Variants in EYS observed in about 807,000 individuals in gnomAD.
EYS encodes EGF-like photoreceptor maintenance factor, also known as protein eyes shut homolog.
Under a neutral mutation model 282.1 loss-of-function variants are expected in EYS, and 250 were observed. The ratio of observed to expected loss-of-function variants is 0.89; its 90% CI spans 0.80 to 0.98. The LOEUF is 0.98. Ranked by LOEUF, EYS falls within the 50% of genes least tolerant of loss-of-function variation. The pLI, the probability that EYS is intolerant of heterozygous loss-of-function variation, is 0.00. For missense variants in EYS, 4,016 were observed against 3,709.0 expected (o/e 1.08, Z -2.15); for synonymous variants, 1,355 against 1,282.9 (o/e 1.06, Z -1.20).
chr6:65,357,326 G>C (rs1256940371), intron 8 of EYS, among the ~76,000 whole-genome samples: 1 of 151,852 alleles, frequency 6.6e-6, no homozygotes, highest in Admixed American at 6.6e-5. Context: ...TTTTTGGCTT[G>C]CTATATGAAA....
At chr6:63,849,613 G>T (rs1241003901) in intron 36 of EYS, among the ~76,000 whole-genome samples, 1 of 152,136 alleles carries the variant, frequency 6.6e-6, no homozygotes, top group African/African-American at 2.4e-5. Context: ...CTAACAAACA[G>T]AAAGCAAGAA....
chr6:64,812,240 T>TACAC (rs71739816), intron 22 of EYS, among the ~76,000 whole-genome samples: 8,424 of 147,966 alleles, frequency 0.057, 339 homozygotes, highest in African/African-American at 0.11. Context: ...GGATTTAAAA[T>TACAC]ACACACACAC....
intron 22 of EYS, among the ~76,000 whole-genome samples, chr6:64,764,824 G>A (rs531429203): frequency 3.3e-5 from 5 of 152,002 alleles, no homozygotes; most frequent in African/African-American, 7.2e-5. Flanking sequence ...CTGCAACCTC[G>A]GCCTCCTGGG....
intron 35 of EYS, among the ~76,000 whole-genome samples, chr6:63,946,899 G>A (rs1237554562): frequency 1.3e-5 from 2 of 151,724 alleles, no homozygotes; most frequent in Admixed American, 6.6e-5. Flanking sequence ...TTACCCTGAT[G>A]TGATTATTAC....
At chr6:65,618,106 T>C (rs887696662) in intron 2 of EYS, among the ~76,000 whole-genome samples, 35 of 152,208 alleles carry the variant, frequency 2.3e-4, no homozygotes, top group Admixed American at 6.5e-4. Context: ...TTTCTAGTTC[T>C]AGATCCCTGA....
chr6:64,634,725 A>T (rs576858827), intron 22 of EYS, among the ~76,000 whole-genome samples: 11 of 152,344 alleles, frequency 7.2e-5, no homozygotes, highest in African/African-American at 2.6e-4. Flanking sequence ...AACATCTAAG[A>T]AAAAATGAAG....
At chr6:64,513,902 A>G (rs74804582) in intron 26 of EYS, among the ~76,000 whole-genome samples, 2,991 of 151,966 alleles carry the variant, frequency 0.02, 48 homozygotes, top group African/African-American at 0.047. Context: ...AGGAAGAATT[A>G]AGATCTTAGA....
intron 14 of EYS, among the ~76,000 whole-genome samples, chr6:64,996,328 A>G (rs1161936387): frequency 1.3e-5 from 2 of 152,160 alleles, no homozygotes; most frequent in Admixed American, 6.6e-5. Context: ...CTAATCAACT[A>G]TACCCCCCCA....
At position 64,405,503 on chromosome 6, in the gene EYS, A is replaced by C. The variant is rs142994885; in HGVS notation, c.5928-16663T>G. Among the ~76,000 whole-genome samples, 146 of 152,342 alleles carry C rather than the reference A, an allele frequency of 9.6e-4. 1 individual carries two copies. Among genetic ancestry groups the C allele is most frequent in the South Asian group, 3.5e-3 (17 of 4,832 alleles). Reference sequence around the variant, plus strand: ...GGCAATCAAGCAAGAGAAATAAATAAAGTATATTCAATTAGCAAAAGCAGA... The same window carrying C: ...GGCAATCAAGCAAGAGAAATAAATACAGTATATTCAATTAGCAAAAGCAGA... On this transcript the variant is annotated intron_variant, in intron 28 of 42. Transcript: ENST00000503581.
In EYS at chr6:63,879,277, A is replaced by G. The variant is rs533322776; in HGVS notation, c.7056-14919T>C. Among the ~76,000 whole-genome samples, 18 of 152,180 alleles carry G rather than the reference A, an allele frequency of 1.2e-4. No individual in the cohort carries two copies. In the South Asian group the frequency reaches 3.3e-3, roughly 28 times the overall value. ...TGTATCCATGGACATGCTAGTAACT[A>G]TTTTCAGTAGTGTAGGAATAAGTTA... On this transcript the variant is annotated intron_variant, in intron 35 of 42. Transcript: ENST00000503581.
intron 36 of EYS, chr6:63,857,372 C>A (rs1237457981): frequency 3.2e-5 from 5 of 154,706 alleles, no homozygotes; most frequent in African/African-American, 1.2e-4. Flanking sequence ...GGATAGGAAA[C>A]TTAGCTGGGT....
At chr6:64,809,273 C>T (rs944809760) in intron 22 of EYS, among the ~76,000 whole-genome samples, 5 of 151,884 alleles carry the variant, frequency 3.3e-5, no homozygotes, top group African/African-American at 4.8e-5. Flanking sequence ...GCTATATGAA[C>T]TTTGAAAAAA....
At chr6:65,683,916 GTTT>G (rs1331466774) in intron 1 of EYS, among the ~76,000 whole-genome samples, 15 of 152,102 alleles carry the variant, frequency 9.9e-5, no homozygotes, top group Middle Eastern at 3.4e-3. Context: ...ACTATACTGT[GTTT>G]TTATTTCATT....
At chr6:64,727,402 C>A (rs1199216583) in intron 22 of EYS, among the ~76,000 whole-genome samples, 1 of 152,042 alleles carries the variant, frequency 6.6e-6, no homozygotes, top group Non-Finnish European at 1.5e-5. Flanking sequence ...TACATATAAA[C>A]CATGGGTTAC....
intron 5 of EYS, among the ~76,000 whole-genome samples, chr6:65,431,168 C>G (rs557069328): frequency 6.6e-6 from 1 of 152,320 alleles, no homozygotes; most frequent in Non-Finnish European, 1.5e-5. Flanking sequence ...CATCTTACTT[C>G]AGAATCCGTT....
chr6:65,555,397 G>C (rs1349342397), intron 2 of EYS, among the ~76,000 whole-genome samples: 1 of 151,908 alleles, frequency 6.6e-6, no homozygotes, highest in Non-Finnish European at 1.5e-5. Context: ...CAATGCATAT[G>C]ACTGCTTAAA....
At chr6:65,047,996 C>T (rs941354233) in intron 13 of EYS, among the ~76,000 whole-genome samples, 4 of 151,866 alleles carry the variant, frequency 2.6e-5, no homozygotes, top group Admixed American at 1.3e-4. Flanking sequence ...TCTTCCTTTC[C>T]TCTTATTTCA....
At chr6:64,920,976 A>G (rs1451249245) in intron 15 of EYS, among the ~76,000 whole-genome samples, 1 of 152,164 alleles carries the variant, frequency 6.6e-6, no homozygotes, top group Non-Finnish European at 1.5e-5. Context: ...TTGAAGTCTC[A>G]GAAGAAAATC....
intron 36 of EYS, among the ~76,000 whole-genome samples, chr6:63,836,553 C>A (rs186805762): frequency 6.6e-6 from 1 of 151,518 alleles, no homozygotes; most frequent in Non-Finnish European, 1.5e-5. Context: ...TAATGGTCAG[C>A]GGTAGAAAAA....
Sources: gnomAD v4.1 joint callset for allele counts (sites outside exome capture counted in the v4.1 genomes callset) on GRCh38, gnomAD v4.1.1 for gene constraint, MANE v1.5 for transcripts, NCBI Gene and HGNC (gene_info 2026-07-23, HGNC 2026-07-21) for gene names.